AUH: variants seen among roughly 807,000 people sequenced by gnomAD.
AUH encodes the protein AU RNA binding methylglutaconyl-CoA hydratase.
AUH carries 29 observed loss-of-function variants against 42.3 expected under a neutral mutation model. That is an observed-to-expected ratio of 0.69 (90% CI 0.51 to 0.93). The LOEUF (loss-of-function observed/expected upper bound fraction) is 0.93, where lower values mean the gene tolerates loss of function less well. AUH is among the 40% of genes least tolerant of loss of function. The pLI is 0.00. For missense variants in AUH, 452 were observed against 438.1 expected (o/e 1.03, Z -0.28); for synonymous variants, 174 against 166.4 (o/e 1.05, Z -0.35).
Position 91,352,227 on chromosome 9 carries a change from A to T in AUH, c.418+3656T>A, listed in dbSNP as rs558874567. Among the ~76,000 whole-genome samples the T allele has an allele frequency of 2.0e-5, 3 of 152,272 alleles. No individual in the cohort carries two copies. The South Asian group carries it at 6.2e-4, about 32-fold the overall frequency. Reference sequence around the variant, plus strand: ...GAGGCGGAAGTTGCAGTGAGACAAGATCACACCATTGCACTCCTGCATGGG... The same window carrying T: ...GAGGCGGAAGTTGCAGTGAGACAAGTTCACACCATTGCACTCCTGCATGGG... On this transcript the variant is annotated intron_variant, in intron 3 of 9. Transcript: ENST00000375731.
intron 6 of AUH, among the ~76,000 whole-genome samples, chr9:91,272,621 C>T (rs913431313): frequency 6.6e-6 from 1 of 152,198 alleles, no homozygotes; most frequent in African/African-American, 2.4e-5. Context: ...TTTCTCCCAT[C>T]TTCTGCTTAA....
At chr9:91,250,473 G>C (rs1012837291) in intron 6 of AUH, among the ~76,000 whole-genome samples, 3 of 152,200 alleles carry the variant, frequency 2.0e-5, no homozygotes, top group African/African-American at 7.2e-5. Context: ...TCCACACACG[G>C]AGACAGGTGA....
At chr9:91,294,070 A>G (rs534800692) in intron 6 of AUH, among the ~76,000 whole-genome samples, 1 of 152,350 alleles carries the variant, frequency 6.6e-6, no homozygotes, top group South Asian at 2.1e-4. Context: ...ACTAAAGCCC[A>G]CTGCTGAGAC....
At chr9:91,251,215 A>C (rs1456973876) in intron 6 of AUH, among the ~76,000 whole-genome samples, 1 of 152,208 alleles carries the variant, frequency 6.6e-6, no homozygotes. Flanking sequence ...AGTCCCCTCT[A>C]GGTGCAGCAG....
At chr9:91,299,192 C>CT (rs1827591275) in intron 4 of AUH, among the ~76,000 whole-genome samples, 1 of 152,168 alleles carries the variant, frequency 6.6e-6, no homozygotes, top group Admixed American at 6.5e-5. Context: ...GCACTCCAGC[C>CT]TGGGTGACAG....
Position 91,296,086 on chromosome 9 carries a change from A to G in AUH, c.599-9T>C, listed in dbSNP as rs1008626245. On this transcript the variant is annotated splice_polypyrimidine_tract_variant and intron_variant, in intron 5 of 9. Transcript: ENST00000375731. ...CATTTTTGCAGAGGAAGCTAAAACG[A>G]AAGAAAGAAAATTAAGTATCATCCA... 1 of 1,613,746 alleles carries G rather than the reference A, an allele frequency of 6.2e-7. No individual in the cohort carries two copies. The highest frequency in any genetic ancestry group is 1.3e-5 in the African/African-American group (1 of 75,052).
chr9:91,240,764 T>C (rs138388524), intron 6 of AUH, among the ~76,000 whole-genome samples: 2 of 151,806 alleles, frequency 1.3e-5, no homozygotes, highest in African/African-American at 4.8e-5. Flanking sequence ...AGAGAGTCTC[T>C]GGGGGCCCTT....
intron 6 of AUH, among the ~76,000 whole-genome samples, chr9:91,272,189 T>C (rs1415144555): frequency 6.6e-6 from 1 of 152,214 alleles, no homozygotes; most frequent in Admixed American, 6.5e-5. Context: ...ATAACGAACA[T>C]ATGGTCCAGA....
intron 6 of AUH, among the ~76,000 whole-genome samples, chr9:91,276,436 T>C (rs1825553267): frequency 6.6e-6 from 1 of 150,886 alleles, no homozygotes; most frequent in African/African-American, 2.4e-5. Context: ...AAAAAGAGTA[T>C]TGCATATACA....
intron 4 of AUH, among the ~76,000 whole-genome samples, chr9:91,313,476 C>T (rs1052013303): frequency 2.6e-5 from 4 of 152,012 alleles, no homozygotes; most frequent in South Asian, 2.1e-4. Context: ...GAGGCCGAGG[C>T]GGGTGGATCA....
chr9:91,320,781 T>C (rs1250358949), intron 4 of AUH, among the ~76,000 whole-genome samples: 1 of 152,230 alleles, frequency 6.6e-6, no homozygotes, highest in Non-Finnish European at 1.5e-5. Context: ...ACGTGACCCA[T>C]ATCTTTAAAC....
At chr9:91,254,058 T>C (rs1587701339) in intron 6 of AUH, among the ~76,000 whole-genome samples, 1 of 152,218 alleles carries the variant, frequency 6.6e-6, no homozygotes. Context: ...ACTTAAAGAT[T>C]GATCCATAAA....
chr9:91,227,750 C>A (rs943291884), intron 6 of AUH, among the ~76,000 whole-genome samples: 3 of 147,944 alleles, frequency 2.0e-5, no homozygotes, highest in Non-Finnish European at 3.0e-5. Flanking sequence ...TTATTGAGAG[C>A]TTTTAGCATG....
chr9:91,276,931 T>C (rs1009219205), intron 6 of AUH, among the ~76,000 whole-genome samples: 2 of 152,236 alleles, frequency 1.3e-5, no homozygotes, highest in Middle Eastern at 3.2e-3. Flanking sequence ...ACACCTGTAA[T>C]GCCAGCACTT....
At chr9:91,335,638 A>G (rs1830637643) in intron 3 of AUH, among the ~76,000 whole-genome samples, 1 of 152,074 alleles carries the variant, frequency 6.6e-6, no homozygotes, top group African/African-American at 2.4e-5. Context: ...ATTCATTTTC[A>G]GCCTTTTTTC....
At chr9:91,307,691 CTA>C (rs1828338397) in intron 4 of AUH, among the ~76,000 whole-genome samples, 1 of 152,066 alleles carries the variant, frequency 6.6e-6, no homozygotes. Flanking sequence ...CGTTTTATTC[CTA>C]GTTATTGTTG....
At chr9:91,328,304 A>G (rs1477121579) in intron 3 of AUH, among the ~76,000 whole-genome samples, 4 of 152,314 alleles carry the variant, frequency 2.6e-5, no homozygotes, top group South Asian at 4.1e-4. Flanking sequence ...AAAAACTCAC[A>G]TAGACTTCCA....
chr9:91,345,977 A>G (rs1053926197), intron 3 of AUH, among the ~76,000 whole-genome samples: 10 of 152,166 alleles, frequency 6.6e-5, no homozygotes, highest in African/African-American at 1.9e-4. Context: ...AAAATGCAAC[A>G]AAACAAAAAC....
chr9:91,303,335 A>T (rs1457971647), intron 4 of AUH, among the ~76,000 whole-genome samples: 1 of 149,098 alleles, frequency 6.7e-6, no homozygotes, highest in Non-Finnish European at 1.5e-5. Context: ...CAGACGCATG[A>T]TTTTTTTTTT....
Sources: allele counts gnomAD v4.1 joint callset (sites outside exome capture counted in the v4.1 genomes callset), GRCh38; gene constraint gnomAD v4.1.1; transcripts MANE v1.5; gene names NCBI Gene and HGNC (gene_info 2026-07-23, HGNC 2026-07-21).